TASOR2: variants seen among roughly 807,000 people sequenced by gnomAD.
TASOR2 encodes the protein protein TASOR 2.
Under a neutral mutation model 199.5 loss-of-function variants are expected in TASOR2, and 84 were observed. That is an observed-to-expected ratio of 0.42 (90% CI 0.35 to 0.50). The LOEUF is 0.50. Ranked by LOEUF, TASOR2 falls within the 20% of genes least tolerant of loss-of-function variation. The probability of loss-of-function intolerance (pLI) is 0.02; values close to 1 mark genes in which losing one functional copy is unlikely to be tolerated. For synonymous variants in TASOR2, 1,103 were observed against 1,046.6 expected (o/e 1.05, Z -1.04); for missense variants, 2,796 against 2,835.9 (o/e 0.99, Z 0.32).
rs531410901 is a variant in TASOR2, at chr10:5,706,116, T to C, written c.-287-6707T>C. Among the ~76,000 whole-genome samples the C allele has an allele frequency of 1.3e-5, 2 of 152,326 alleles. No homozygotes were observed. Among genetic ancestry groups the C allele is most frequent in the East Asian group, 3.9e-4 (2 of 5,190 alleles). On this transcript the variant is annotated intron_variant, in intron 1 of 20. Coordinates refer to ENST00000328090, the Ensembl canonical transcript of TASOR2. The surrounding 1 kb of genome is among the most constrained non-coding windows in gnomAD (Gnocchi z 4.8). Reference sequence around the variant, plus strand: ...TTTAGTTGTTCTGTAGCAGCATTTATTGCAAAGATATTCTTTCTCAATGGA... The same window carrying C: ...TTTAGTTGTTCTGTAGCAGCATTTACTGCAAAGATATTCTTTCTCAATGGA...
rs1320782687 is a variant in TASOR2 at position 5,751,443 on chromosome 10, T to C, written c.6606+1416T>C. On this transcript the variant is annotated intron_variant, in intron 15 of 20. Transcript: ENST00000328090. The surrounding 1 kb of genome is among the most constrained non-coding windows in gnomAD (Gnocchi z 5.3). ...ATTCATTTGCTTATCTGTATCACTA[T>C]GGACCATGGCACATTTTGTTTTACT... 6.6e-6 allele frequency among the ~76,000 whole-genome samples: 1 copy of C among 152,256 alleles called. No homozygotes were observed. Among genetic ancestry groups the C allele is most frequent in the African/African-American group, 2.4e-5 (1 of 41,458 alleles).
Position 5,740,577 on chromosome 10 carries a change from CA to C in TASOR2, c.2327+83del. ...TGTAGTGAGATGGGGAAACTTATGC[CA>C]AACTCTGGAGAAGGAGAAAGAAGTG... On this transcript the variant is annotated intron_variant, in intron 13 of 20. Coordinates refer to ENST00000328090, the Ensembl canonical transcript of TASOR2. This position sits in a 1 kb window ranked among gnomAD's most constrained non-coding sequence, Gnocchi z 5.3. 1 of 1,418,334 alleles carries C rather than the reference CA, an allele frequency of 7.1e-7. No homozygotes were observed. The highest frequency in any genetic ancestry group is 2.3e-5 in the East Asian group (1 of 43,566). 87.9% of individuals were successfully genotyped at this position (1,418,334 alleles called of 1,614,324 possible). A position where few individuals can be genotyped will look rare whatever the true frequency, so the allele number is the denominator to read the frequency against.
exon 15 of TASOR2, chr10:5,749,185 C>A: frequency 6.2e-7 from 1 of 1,614,016 alleles, no homozygotes; most frequent in Non-Finnish European, 8.5e-7. Flanking sequence ...CCACGGGATC[C>A]TCAGGACTTA....
exon 15 of TASOR2, chr10:5,747,450 G>C (rs1200075527): frequency 6.2e-7 from 1 of 1,614,160 alleles, no homozygotes; most frequent in South Asian, 1.1e-5. Context: ...CTGACAATGT[G>C]TCAGTATATC....
At chr10:5,729,168 G>A (rs1665086838) in intron 10 of TASOR2, among the ~76,000 whole-genome samples, 1 of 151,072 alleles carries the variant, frequency 6.6e-6, no homozygotes, top group Non-Finnish European at 1.5e-5. Context: ...GGCCAACATG[G>A]TGAAACCCCA....
chr10:5,712,953 C>A, intron 2 of TASOR2, 35 bp downstream of exon 2: 1 of 1,005,606 alleles, frequency 9.9e-7, no homozygotes, highest in South Asian at 5.1e-5. Flanking sequence ...TTAATGGTAT[C>A]ATTAGTCTTA....
exon 15 of TASOR2, chr10:5,746,938 C>A: frequency 3.1e-6 from 5 of 1,614,186 alleles, no homozygotes; most frequent in Non-Finnish European, 4.2e-6. Context: ...TCATCTATCA[C>A]CCAGTGAAGA....
rs1373070397 is a variant in TASOR2 at position 5,752,194 on chromosome 10, G to A, written c.6606+2167G>A. ...AACATGTGCAGGTGGGGGGGATGTT[G>A]CTTTTTTGTCATGATTCTTATAGTC... On this transcript the variant is annotated intron_variant, in intron 15 of 20. Transcript: ENST00000328090. This position sits in a 1 kb window ranked among gnomAD's most constrained non-coding sequence, Gnocchi z 4.4. Among the ~76,000 whole-genome samples the A allele has an allele frequency of 6.6e-6, 1 of 152,162 alleles. No homozygotes were observed. Among genetic ancestry groups the A allele is most frequent in the Non-Finnish European group, 1.5e-5 (1 of 68,022 alleles).
At chr10:5,756,727 C>T in exon 16 of TASOR2, 3 of 1,611,976 alleles carry the variant, frequency 1.9e-6, no homozygotes, top group Non-Finnish European at 8.5e-7. Flanking sequence ...TATATCATCA[C>T]ATTTGCATCA....
chr10:5,685,612 T>C lies in TASOR2; in HGVS notation c.-288+437T>C, dbSNP rs1377157109. Among the ~76,000 whole-genome samples the C allele has an allele frequency of 1.3e-5, 2 of 152,142 alleles. No homozygotes were observed. Among genetic ancestry groups the C allele is most frequent in the African/African-American group, 4.8e-5 (2 of 41,428 alleles). On this transcript the variant is annotated intron_variant, in intron 1 of 20. Transcript: ENST00000328090. This position sits in a 1 kb window ranked among gnomAD's most constrained non-coding sequence, Gnocchi z 5.4. Reference sequence around the variant, plus strand: ...TCATGGCAATGCGCCACCTTTTCTTTTTAGGGTAAAACAGGTCTCTCCGAA... The same window carrying C: ...TCATGGCAATGCGCCACCTTTTCTTCTTAGGGTAAAACAGGTCTCTCCGAA...
intron 14 of TASOR2, 64 bp from the exon 16 acceptor site, chr10:5,746,115 T>C (rs1366338497): frequency 2.0e-6 from 3 of 1,466,790 alleles, no homozygotes; most frequent in Non-Finnish European, 1.8e-6. Flanking sequence ...CACATGTACA[T>C]ATAATCGTAT....
intron 18 of TASOR2, among the ~76,000 whole-genome samples, chr10:5,760,043 TAAC>T (rs894609943): frequency 4.6e-5 from 7 of 152,232 alleles, no homozygotes; most frequent in African/African-American, 1.7e-4. Context: ...TCATGTCACT[TAAC>T]GACGGGGATA....
Position 5,714,126 on chromosome 10 carries a change from TG to T in TASOR2, c.-192+1209del, listed in dbSNP as rs1832294292. On this transcript the variant is annotated intron_variant, in intron 2 of 20. Coordinates refer to ENST00000328090, the Ensembl canonical transcript of TASOR2. ...CAAAGACTGAAGCAAAGTAATCTTT[TG>T]TTTAAAGGCAAAATTGGTATGTCAG... 5 of 1,230,260 alleles carry T rather than the reference TG, an allele frequency of 4.1e-6. No homozygotes were observed. The highest frequency in any genetic ancestry group is 1.0e-6 in the Non-Finnish European group (1 of 986,446). 76.2% of individuals were successfully genotyped at this position (1,230,260 alleles called of 1,614,324 possible).
chr10:5,742,041 T>A lies in TASOR2; in HGVS notation c.2328-56T>A. On this transcript the variant is annotated intron_variant, in intron 13 of 20. Transcript: ENST00000328090. The surrounding 1 kb of genome is among the most constrained non-coding windows in gnomAD (Gnocchi z 4.2). ...GAGGCACTTGCTTATGATAAGGTAA[T>A]CAACTAAAATAACCATTTTCAATGA... 6 of 1,533,518 alleles carry A rather than the reference T, an allele frequency of 3.9e-6. No homozygotes were observed. Among genetic ancestry groups the A allele is most frequent in the Non-Finnish European group, 5.3e-6 (6 of 1,127,394 alleles). The allele number at this position is 1,533,518 out of a possible 1,614,324, so 95.0% of individuals were successfully genotyped here. A position where few individuals can be genotyped will look rare whatever the true frequency, so the allele number is the denominator to read the frequency against.
chr10:5,704,643 T>C (rs1013569226), intron 1 of TASOR2, among the ~76,000 whole-genome samples: 4 of 152,186 alleles, frequency 2.6e-5, no homozygotes, highest in Non-Finnish European at 5.9e-5. Flanking sequence ...TTATTTGCTT[T>C]GGGTTTACTG....
exon 21 of TASOR2, chr10:5,763,179 T>C (rs1005366322): frequency 2.7e-6 from 2 of 750,166 alleles, no homozygotes; most frequent in Admixed American, 3.4e-5. Context: ...TTTCATTTTT[T>C]ATATTTTGCT....
intron 2 of TASOR2, 196 bp downstream of exon 3, chr10:5,714,403 C>G: frequency 2.7e-6 from 1 of 372,476 alleles, no homozygotes; most frequent in Non-Finnish European, 4.7e-6. Flanking sequence ...TTTTCAGTGT[C>G]AAGAGATTGG....
intron 2 of TASOR2, among the ~76,000 whole-genome samples, chr10:5,713,195 C>T (rs1483716231): frequency 6.6e-6 from 1 of 151,992 alleles, no homozygotes; most frequent in Admixed American, 6.6e-5. Context: ...TCAATAATGG[C>T]CTTTACTAGA....
At position 5,714,170 on chromosome 10, in the gene TASOR2, C is replaced by G. The variant is rs923250832; in HGVS notation, c.-192+1252C>G. 9.7e-6 allele frequency: 12 copies of G among 1,231,564 alleles called. No individual in the cohort carries two copies. In the African/African-American group the frequency reaches 1.6e-4, roughly 16 times the overall value. 76.3% of individuals were successfully genotyped at this position (1,231,564 alleles called of 1,614,324 possible). ...TATGTCAGTGTGGACTCCGTGTTGG[C>G]AGCAGTGCTGTTACCACTCTGGGTG... On this transcript the variant is annotated intron_variant, in intron 2 of 20. Coordinates refer to ENST00000328090, the Ensembl canonical transcript of TASOR2.
Sources: gnomAD v4.1 joint callset for allele counts (sites outside exome capture counted in the v4.1 genomes callset) on GRCh38, gnomAD v4.1.1 for gene constraint, Gnocchi (gnomAD v3.1) non-coding constraint, MANE v1.5 for transcripts, NCBI Gene and HGNC (gene_info 2026-07-23, HGNC 2026-07-21) for gene names.